Variants in IRF4 observed in about 807,000 individuals in gnomAD.
The protein encoded by IRF4 is lymphocyte-specific interferon regulatory factor.
Under a neutral mutation model 55.5 loss-of-function variants are expected in IRF4, and 13 were observed. The observed-to-expected ratio is 0.23, with a 90% CI of 0.15 to 0.37. The LOEUF is 0.37. Among genes scored for constraint, IRF4 ranks in the 10% least tolerant of loss-of-function variants. The pLI, the probability that IRF4 is intolerant of heterozygous loss-of-function variation, is 1.00. For synonymous variants in IRF4, 249 were observed against 240.7 expected, an observed-to-expected ratio of 1.03 and a Z score of -0.32; for missense variants, 397 against 593.8, an observed-to-expected ratio of 0.67 and a Z score of 3.44.
chr6:393,105 C>A lies in IRF4; in HGVS notation c.-48C>A. ...CAGCTCTTCTCCCCGCAGTGCAGAG[C>A]AGAGCGGGCGGAGGACCCCGGGCGC... is the stretch of plus-strand genomic sequence containing the variant. On this transcript the variant is annotated 5_prime_UTR_variant, in exon 2 of 9. Transcript: ENST00000380956. The surrounding 1 kb of genome is among the most constrained non-coding windows in gnomAD (Gnocchi z 5.4). The A allele has an allele frequency of 6.6e-7, 1 of 1,507,684 alleles. No homozygotes were observed. 93.4% of individuals were successfully genotyped at this position (1,507,684 alleles called of 1,614,324 possible).
chr6:399,024 T>C (rs996653710), intron 6 of IRF4, 89 bp downstream of exon 6: 1 of 824,052 alleles, frequency 1.2e-6, no homozygotes, highest in South Asian at 1.8e-5. Flanking sequence ...GATGGGACTT[T>C]AGACACTTGC....
At chr6:403,032 GC>G (rs1761447763) in intron 7 of IRF4, among the ~76,000 whole-genome samples, 1 of 152,166 alleles carries the variant, frequency 6.6e-6, no homozygotes, top group Non-Finnish European at 1.5e-5. Context: ...AGACTCCATT[GC>G]CCCCCGCACC....
chr6:410,756 C>G lies in IRF4; in HGVS notation c.*3158C>G. The G allele has an allele frequency of 4.3e-6, 1 of 231,938 alleles. No individual in the cohort carries two copies. The highest frequency in any genetic ancestry group is 8.5e-6 in the Non-Finnish European group (1 of 117,104). 14.4% of individuals were successfully genotyped at this position (231,938 alleles called of 1,614,324 possible). On this transcript the variant is annotated 3_prime_UTR_variant, in exon 9 of 9. Coordinates refer to ENST00000380956, the MANE Select transcript of IRF4 (RefSeq NM_002460.4). ...GCTCTCCAGTCACATGCCCCCACTT[C>G]CCCACAGGTGAAAGTTTTTCTGAAA...
Position 411,186 on chromosome 6 carries a change from C to T in IRF4, c.*3588C>T. 1 of 231,394 alleles carries T rather than the reference C, an allele frequency of 4.3e-6. No homozygotes were observed. Among genetic ancestry groups the T allele is most frequent in the Non-Finnish European group, 8.6e-6 (1 of 116,738 alleles). The allele number at this position is 231,394 out of a possible 1,614,324, so 14.3% of individuals were successfully genotyped here. On this transcript the variant is annotated 3_prime_UTR_variant, in exon 9 of 9. Coordinates refer to ENST00000380956, the MANE Select transcript of IRF4 (RefSeq NM_002460.4). ...GTCCACTTCCCCCTCTTCAGCATCCCCCGTACCCCACTTTCTGCTGAAAGA... is the reference window on the plus strand; with the variant it reads ...GTCCACTTCCCCCTCTTCAGCATCCTCCGTACCCCACTTTCTGCTGAAAGA...
intron 7 of IRF4, among the ~76,000 whole-genome samples, chr6:404,731 G>A (rs1469144444): frequency 1.3e-5 from 2 of 152,228 alleles, no homozygotes; most frequent in Non-Finnish European, 2.9e-5. Context: ...ACTACCTTTT[G>A]AATCTTCGTG....
intron 8 of IRF4, among the ~76,000 whole-genome samples, chr6:407,108 T>C (rs1581232048): frequency 6.6e-6 from 1 of 152,254 alleles, no homozygotes; most frequent in African/African-American, 2.4e-5. Flanking sequence ...AACAAAATCA[T>C]TGGCCTAAAT....
chr6:402,333 A>G (rs1761424407), intron 7 of IRF4, among the ~76,000 whole-genome samples: 1 of 152,150 alleles, frequency 6.6e-6, no homozygotes, highest in Non-Finnish European at 1.5e-5. Flanking sequence ...CTTGGATTTC[A>G]TGACAATTCA....
Position 393,325 on chromosome 6 carries a change from G to A in IRF4, c.173G>A (p.Gly58Asp). The A allele has an allele frequency of 1.2e-6, 2 of 1,607,984 alleles. No homozygotes were observed. Among genetic ancestry groups the A allele is most frequent in the Non-Finnish European group, 8.5e-7 (1 of 1,177,596 alleles). ...TTCCGCATCCCCTGGAAGCACGCGGGCAAGCAGGACTACAACCGCGAGGAG... is the reference window on the plus strand; with the variant it reads ...TTCCGCATCCCCTGGAAGCACGCGGACAAGCAGGACTACAACCGCGAGGAG... ...SIFRIPWKHA[G>D]KQDYNREEDA... The change falls in exon 2 of 9, where the codon GGC (glycine) becomes GAC (aspartate). Residue 58 changes from glycine (G) to aspartate (D), a missense_variant. This residue lies in a region of IRF4 where 341 missense variants were observed against 548.1 expected (regional missense o/e 0.62). Coordinates refer to ENST00000380956, the MANE Select transcript of IRF4 (RefSeq NM_002460.4). This position sits in a 1 kb window ranked among gnomAD's most constrained non-coding sequence, Gnocchi z 5.4.
chr6:393,089 T>C lies in IRF4; in HGVS notation c.-55-9T>C. 7.0e-7 allele frequency: 1 copy of C among 1,433,364 alleles called. No homozygotes were observed. The highest frequency in any genetic ancestry group is 1.4e-5 in the African/African-American group (1 of 70,020). 88.8% of individuals were successfully genotyped at this position (1,433,364 alleles called of 1,614,324 possible). ...CCTCGTGGCTGAAGGGCAGCTCTTC[T>C]CCCCGCAGTGCAGAGCAGAGCGGGC... On this transcript the variant is annotated splice_polypyrimidine_tract_variant and intron_variant, in intron 1 of 8. Coordinates refer to ENST00000380956, the MANE Select transcript of IRF4 (RefSeq NM_002460.4). This position sits in a 1 kb window ranked among gnomAD's most constrained non-coding sequence, Gnocchi z 5.4.
rs1206731425 is a variant in IRF4 at position 408,224 on chromosome 6, A to G, written c.*626A>G. ...GTAAGATGTAAATTGAAGAAGCCTC[A>G]CACGTAAAAGAAATGTATTAATGTA... On this transcript the variant is annotated 3_prime_UTR_variant, in exon 9 of 9. Coordinates refer to ENST00000380956, the MANE Select transcript of IRF4 (RefSeq NM_002460.4). 2 of 232,972 alleles carry G rather than the reference A, an allele frequency of 8.6e-6. No individual in the cohort carries two copies. Among genetic ancestry groups the G allele is most frequent in the South Asian group, 3.6e-4 (2 of 5,530 alleles). 14.4% of individuals were successfully genotyped at this position (232,972 alleles called of 1,614,324 possible).
chr6:410,336 C>A lies in IRF4; in HGVS notation c.*2738C>A, dbSNP rs962554781. On this transcript the variant is annotated 3_prime_UTR_variant, in exon 9 of 9. Coordinates refer to ENST00000380956, the MANE Select transcript of IRF4 (RefSeq NM_002460.4). ...TATCTCCTGGAACACTATAGAGAAC[C>A]AAGTGACCGACTCATTTACAACTGA... The A allele has an allele frequency of 1.3e-4, 29 of 227,426 alleles. No homozygotes were observed. In the East Asian group the frequency reaches 1.8e-3, roughly 14 times the overall value. The allele number at this position is 227,426 out of a possible 1,614,324, so 14.1% of individuals were successfully genotyped here.
Position 409,440 on chromosome 6 carries a change from A to G in IRF4, c.*1842A>G. 1 of 206,724 alleles carries G rather than the reference A, an allele frequency of 4.8e-6. No individual in the cohort carries two copies. The highest frequency in any genetic ancestry group is 9.9e-6 in the Non-Finnish European group (1 of 101,070). The allele number at this position is 206,724 out of a possible 1,614,324, so 12.8% of individuals were successfully genotyped here. A position where few individuals can be genotyped will look rare whatever the true frequency, so the allele number is the denominator to read the frequency against. On this transcript the variant is annotated 3_prime_UTR_variant, in exon 9 of 9. Coordinates refer to ENST00000380956, the MANE Select transcript of IRF4 (RefSeq NM_002460.4). ...ATTTCACTTTTCTGTAAATATACAT[A>G]AACTTAAAAAGAAAACCTCATGGAG...
chr6:398,980 T>A, intron 6 of IRF4, 45 bp downstream of exon 6: 1 of 1,347,726 alleles, frequency 7.4e-7, no homozygotes, highest in Non-Finnish European at 1.0e-6. Context: ...GAGGCCAGCC[T>A]CTGCTGCCAG....
intron 8 of IRF4, 122 bp downstream of exon 8, chr6:405,252 C>G: frequency 3.1e-6 from 2 of 643,158 alleles, no homozygotes; most frequent in Admixed American, 2.6e-5. Context: ...TAAGCGTAAC[C>G]CTTAAACTAG....
intron 1 of IRF4, among the ~76,000 whole-genome samples, chr6:392,318 C>T (rs1372899510): frequency 1.3e-5 from 2 of 152,362 alleles, no homozygotes; most frequent in Admixed American, 6.5e-5. Context: ...TCGCTCCGAG[C>T]CTTGCGTGCG....
rs1431535131 is a variant in IRF4 at position 393,426 on chromosome 6, G to T, written c.216+58G>T. The stretch of plus-strand genomic sequence containing the variant: ...CGGGGAGGGCCCAGAGACAGAGCCC[G>T]GGGTCCCCGGCGCCGCCTCCGAGGC... On this transcript the variant is annotated intron_variant, in intron 2 of 8. Transcript: ENST00000380956. The surrounding 1 kb of genome is among the most constrained non-coding windows in gnomAD (Gnocchi z 5.4). The T allele has an allele frequency of 6.3e-6, 8 of 1,278,468 alleles. No individual in the cohort carries two copies. The Admixed American group carries it at 2.6e-4, about 41-fold the overall frequency. 79.2% of individuals were successfully genotyped at this position (1,278,468 alleles called of 1,614,324 possible). A position where few individuals can be genotyped will look rare whatever the true frequency, so the allele number is the denominator to read the frequency against.
intron 8 of IRF4, chr6:406,820 T>G (rs1036635411): frequency 1.3e-5 from 15 of 1,186,470 alleles, no homozygotes; most frequent in Non-Finnish European, 1.6e-5. Flanking sequence ...TCTAATATCA[T>G]GATTGATGGA....
chr6:396,624 TCCTGCACTCCTTTACCC>T (rs1435614393), intron 4 of IRF4, among the ~76,000 whole-genome samples: 13 of 83,020 alleles, frequency 1.6e-4, no homozygotes, highest in African/African-American at 4.7e-4. Flanking sequence ...TCTCAGCCTC[TCCTGCACTCCTTTACCC>T]CCGTCTCGAT....
At chr6:406,265 C>T (rs746759622) in intron 8 of IRF4, among the ~76,000 whole-genome samples, 4 of 152,202 alleles carry the variant, frequency 2.6e-5, no homozygotes, top group African/African-American at 4.8e-5. Context: ...GATGATCGGC[C>T]GGGCACAGTG....
Sources: allele counts gnomAD v4.1 joint callset (sites outside exome capture counted in the v4.1 genomes callset), GRCh38; gene constraint gnomAD v4.1.1; regional missense constraint gnomAD v4.1.1; non-coding constraint Gnocchi (gnomAD v3.1); transcripts MANE v1.5; gene names NCBI Gene and HGNC (gene_info 2026-07-23, HGNC 2026-07-21).